ALKBH2: variants seen among roughly 807,000 people sequenced by gnomAD.
ALKBH2 encodes alkB homolog 2, alpha-ketoglutarate dependent dioxygenase, also known as DNA oxidative demethylase ALKBH2.
A neutral mutation model predicts 19.7 loss-of-function variants in ALKBH2; 19 were observed. The ratio of observed to expected loss-of-function variants is 0.97; its 90% CI spans 0.67 to 1.42. The LOEUF is 1.42. Ranked by LOEUF, ALKBH2 falls within the 40% of genes most tolerant of loss-of-function variation. ALKBH2 has a pLI of 0.00. For synonymous variants in ALKBH2, 135 were observed against 131.2 expected, an observed-to-expected ratio of 1.03 and a Z score of -0.20; for missense variants, 310 against 328.5, an observed-to-expected ratio of 0.94 and a Z score of 0.43.
intron 2 of ALKBH2, 51 bp downstream of exon 2, chr12:109,092,456 C>T (rs1453307506): frequency 6.8e-7 from 1 of 1,469,792 alleles, no homozygotes; most frequent in Non-Finnish European, 8.9e-7. Flanking sequence ...ATTAATTGCA[C>T]CAAACAAGCC....
chr12:109,089,763 AAG>A, intron 3 of ALKBH2: 1 of 526,378 alleles, frequency 1.9e-6, no homozygotes, highest in Non-Finnish European at 3.4e-6. Flanking sequence ...AAAAAAAAGA[AAG>A]AAAAAGAGAA....
rs746308268 is a variant in ALKBH2 at position 109,092,811 on chromosome 12, C to T, written c.-25G>A. ...TCCTGTCCCCACAGGAAAGAAGGGA[C>T]GTCAGTGGCGAGGCCAAGACAGAAA... On this transcript the variant is annotated 5_prime_UTR_variant, in exon 2 of 4. Transcript: ENST00000429722. The T allele has an allele frequency of 1.9e-6, 3 of 1,582,064 alleles. No individual in the cohort carries two copies. Among genetic ancestry groups the T allele is most frequent in the Admixed American group, 1.9e-5 (1 of 53,506 alleles).
chr12:109,088,615 A>G lies in ALKBH2; in HGVS notation c.480-103T>C, dbSNP rs2042007015. The G allele has an allele frequency of 2.7e-6, 3 of 1,118,580 alleles. No homozygotes were observed. Among genetic ancestry groups the G allele is most frequent in the South Asian group, 1.6e-5 (1 of 61,920 alleles). 69.3% of individuals were successfully genotyped at this position (1,118,580 alleles called of 1,614,324 possible). ...CTCACAGTGTGAAACAGCACTCTGC[A>G]TGGCTGTACCTGCCGTTGTTTCTGC... On this transcript the variant is annotated intron_variant, in intron 3 of 3. Transcript: ENST00000429722. This position sits in a 1 kb window ranked among gnomAD's most constrained non-coding sequence, Gnocchi z 4.2.
At chr12:109,092,166 C>T (rs939116894) in intron 2 of ALKBH2, 5 of 198,124 alleles carry the variant, frequency 2.5e-5, no homozygotes, top group East Asian at 1.2e-4. Context: ...AGCCTGCACT[C>T]GGAGCGATTC....
chr12:109,092,345 G>A, intron 2 of ALKBH2, 162 bp downstream of exon 2: 1 of 1,124,366 alleles, frequency 8.9e-7, no homozygotes. Flanking sequence ...AGCACCTAAG[G>A]GGCTTAGCCC....
intron 2 of ALKBH2, chr12:109,092,180 T>G: frequency 4.6e-6 from 1 of 219,296 alleles, no homozygotes. Context: ...GCGATTCTGA[T>G]TGAAGTGCTC....
chr12:109,092,014 G>C (rs576918095), intron 2 of ALKBH2, among the ~76,000 whole-genome samples: 3 of 152,172 alleles, frequency 2.0e-5, no homozygotes, highest in Non-Finnish European at 4.4e-5. Context: ...CCTGCCAACA[G>C]CAAGTCCACC....
At chr12:109,092,997 G>T in intron 1 of ALKBH2, 60 bp from the exon 2 acceptor site, 1 of 1,284,194 alleles carries the variant, frequency 7.8e-7, no homozygotes, top group Non-Finnish European at 1.0e-6. Context: ...TCTGATCCAG[G>T]GTCTCCCACG....
In ALKBH2 at chr12:109,088,283, T is replaced by C. The variant is rs772775278; in HGVS notation, c.709A>G (p.Ser237Gly). 16 of 1,614,042 alleles carry C rather than the reference T, an allele frequency of 9.9e-6. No homozygotes were observed. The South Asian group carries it at 1.3e-4, about 13-fold the overall frequency. ...NHPTNTHWYH[S>G]LPVRKKVLAP... ...AGAACCTTCTTTCTCACGGGAAGAC[T>C]GTGGTACCAGTGCGTGTTGGTCGGG... is the stretch of plus-strand genomic sequence containing the variant. Residue 237 changes from serine to glycine, a missense_variant, in exon 4 of 4, where the codon AGT (serine) becomes GGT (glycine). By Grantham distance (56) the Ser-to-Gly change is moderately conservative. Coordinates refer to ENST00000429722, the MANE Select transcript of ALKBH2 (RefSeq NM_001145374.2). The surrounding 1 kb of genome is among the most constrained non-coding windows in gnomAD (Gnocchi z 4.2).
At position 109,088,357 on chromosome 12, in the gene ALKBH2, G is replaced by C. The variant is rs148504183; in HGVS notation, c.635C>G (p.Ala212Gly). The change falls in exon 4 of 4, where the codon GCG becomes GGG. Residue 212 changes from alanine to glycine, a missense_variant. Ala to Gly is a moderately conservative substitution (Grantham distance 60). Coordinates refer to ENST00000429722, the MANE Select transcript of ALKBH2 (RefSeq NM_001145374.2). The surrounding 1 kb of genome is among the most constrained non-coding windows in gnomAD (Gnocchi z 4.2). ...GTGGGCCAGCGGCAGCCTGACCACC[G>C]CCACCCTCCTGGAGGGGCTTTTCCC... ...SRGKSPSRRV[A>G]VVRLPLAHGS... The C allele has an allele frequency of 1.9e-6, 3 of 1,613,886 alleles. No homozygotes were observed. In the South Asian group the frequency reaches 3.3e-5, roughly 18 times the overall value.
At position 109,088,460 on chromosome 12, in the gene ALKBH2, GT is replaced by G; in HGVS notation, c.531del (p.Glu177AspfsTer48). 6.2e-7 allele frequency: 1 copy of G among 1,612,422 alleles called. No homozygotes were observed. The highest frequency in any genetic ancestry group is 8.5e-7 in the Non-Finnish European group (1 of 1,178,664). On this transcript the variant is annotated frameshift_variant, in exon 4 of 4. Transcript: ENST00000429722. LOFTEE classifies it high-confidence loss of function. The surrounding 1 kb of genome is among the most constrained non-coding windows in gnomAD (Gnocchi z 4.2). ...GAGGCAATGGGGCTCCCAGGGGCCAGTTCTCTTTCATCATCTCGGTGCTCCC... is the reference window on the plus strand; with the variant it reads ...GAGGCAATGGGGCTCCCAGGGGCCAGTCTCTTTCATCATCTCGGTGCTCCC... ...HIGEHRDDERELAPGSPIASV... is the reference protein window; with the variant it reads ...HIGEHRDDERXLAPGSPIASV...
In ALKBH2 at chr12:109,090,189, TG is replaced by T. The variant is rs1447462202; in HGVS notation, c.298del (p.Gln100ArgfsTer21). On this transcript the variant is annotated frameshift_variant, in exon 3 of 4. Transcript: ENST00000429722. LOFTEE classifies it high-confidence loss of function. ...CACACTGTGCCACTTCCCGAATACC[TG>T]GACTCTGGCCAGTGCTCCTGTGCAG... is the stretch of plus-strand genomic sequence containing the variant. Reference protein sequence around the residue: ...EYFTGALARVQVFGKWHSVPR... With the variant: ...EYFTGALARVXVFGKWHSVPR... 1 of 1,613,842 alleles carries T rather than the reference TG, an allele frequency of 6.2e-7. No homozygotes were observed. The highest frequency in any genetic ancestry group is 1.1e-5 in the South Asian group (1 of 91,086).
At chr12:109,089,419 A>G (rs1326901258) in intron 3 of ALKBH2, among the ~76,000 whole-genome samples, 1 of 152,134 alleles carries the variant, frequency 6.6e-6, no homozygotes, top group Non-Finnish European at 1.5e-5. Flanking sequence ...GGTGGGGGAC[A>G]CTACTTGCAA....
At chr12:109,093,049 C>T in intron 1 of ALKBH2, 112 bp from the exon 2 acceptor site, 2 of 825,760 alleles carry the variant, frequency 2.4e-6, no homozygotes, top group Non-Finnish European at 3.3e-6. Flanking sequence ...TTGCAAAAAC[C>T]CAGAGGTCTG....
rs777973072 is a variant in ALKBH2, at chr12:109,092,521, ACTT to A, written c.263_265del (p.Glu88del). Reference sequence around the variant, plus strand: ...CCTCTGCTTACCTGTAAAATATTCTACTTCTTTCTCCAACTCTTGGAAAATCTC... The same window carrying A: ...CCTCTGCTTACCTGTAAAATATTCTACTTTCTCCAACTCTTGGAAAATCTC... On this transcript the variant is annotated inframe_deletion, in exon 2 of 4. Coordinates refer to ENST00000429722, the MANE Select transcript of ALKBH2 (RefSeq NM_001145374.2). 1.6e-5 allele frequency: 26 copies of A among 1,585,626 alleles called. No individual in the cohort carries two copies. The highest frequency in any genetic ancestry group is 2.6e-6 in the Non-Finnish European group (3 of 1,164,218).
At position 109,090,094 on chromosome 12, in the gene ALKBH2, T is replaced by C; in HGVS notation, c.394A>G (p.Lys132Glu). Residue 132 changes from lysine (K) to glutamate (E), a missense_variant, in exon 3 of 4, where the codon AAG becomes GAG. By Grantham distance (56) the Lys-to-Glu change is moderately conservative (BLOSUM62 1). Transcript: ENST00000429722. Reference protein sequence around the residue: ...YTFSGLTLSPKPWIPVLERIR... With the variant: ...YTFSGLTLSPEPWIPVLERIR... ...CGCTCTAGAACTGGGATCCAGGGCT[T>C]TGGAGACAGCGTGAGGCCTGAAAAT... The C allele has an allele frequency of 1.2e-6, 2 of 1,614,168 alleles. No individual in the cohort carries two copies. The highest frequency in any genetic ancestry group is 1.7e-6 in the Non-Finnish European group (2 of 1,180,024).
In ALKBH2 at chr12:109,088,937, C is replaced by T. The variant is rs912081628; in HGVS notation, c.480-425G>A. Among the ~76,000 whole-genome samples the T allele has an allele frequency of 2.6e-4, 39 of 152,166 alleles. 1 individual carries two copies. Among genetic ancestry groups the T allele is most frequent in the Admixed American group, 2.4e-3 (36 of 15,280 alleles). ...ATGTTACCCAGGCTGGTCTCAAACT[C>T]GGGCTCAAGCAATTCACTCTCCTTG... On this transcript the variant is annotated intron_variant, in intron 3 of 3. Coordinates refer to ENST00000429722, the MANE Select transcript of ALKBH2 (RefSeq NM_001145374.2). The surrounding 1 kb of genome is among the most constrained non-coding windows in gnomAD (Gnocchi z 4.2).
intron 3 of ALKBH2, 52 bp downstream of exon 3, chr12:109,089,957 T>C (rs2042035181): frequency 4.4e-6 from 7 of 1,598,490 alleles, no homozygotes; most frequent in Non-Finnish European, 6.0e-6. Context: ...AACACTTCCT[T>C]TTGGAGGAGA....
rs2042039217 is a variant in ALKBH2, at chr12:109,090,126, G to A, written c.362C>T (p.Thr121Ile). Reference protein sequence around the residue: ...KQATYGDAGLTYTFSGLTLSP... With the variant: ...KQATYGDAGLIYTFSGLTLSP... ...CAGCGTGAGGCCTGAAAATGTGTAG[G>A]TCAGCCCAGCGTCGCCATACGTTGC... The change falls in exon 3 of 4, where the codon ACC becomes ATC. Residue 121 changes from threonine to isoleucine, a missense_variant. Physicochemically the swap from Thr to Ile is moderately conservative, Grantham distance 89. Transcript: ENST00000429722. 1.2e-6 allele frequency: 2 copies of A among 1,613,740 alleles called. No homozygotes were observed. Among genetic ancestry groups the A allele is most frequent in the East Asian group, 2.2e-5 (1 of 44,854 alleles).
Sources: gnomAD v4.1 joint callset for allele counts (sites outside exome capture counted in the v4.1 genomes callset) on GRCh38, gnomAD v4.1.1 for gene constraint, Gnocchi (gnomAD v3.1) non-coding constraint, MANE v1.5 for transcripts, NCBI Gene and HGNC (gene_info 2026-07-23, HGNC 2026-07-21) for gene names.